The following PCM1 variants were observed in gnomAD, a reference collection of about 807,000 sequenced individuals.
PCM1 encodes pericentriolar material 1 protein.
PCM1 carries 157 observed loss-of-function variants against 241.9 expected under a neutral mutation model. The ratio of observed to expected loss-of-function variants is 0.65; its 90% CI spans 0.57 to 0.74. PCM1 has a LOEUF of 0.74. Ranked by LOEUF, PCM1 falls within the 30% of genes least tolerant of loss-of-function variation. The pLI is 0.00. For missense variants in PCM1, 3,478 were observed against 2,360.1 expected (o/e 1.47, Z -9.81); for synonymous variants, 1,085 against 784.9 (o/e 1.38, Z -6.39).
Position 17,962,057 on chromosome 8 carries a change from C to T in PCM1, c.2346C>T (p.Asn782=), listed in dbSNP as rs1272515871. 6.2e-7 allele frequency: 1 copy of T among 1,611,476 alleles called. No individual in the cohort carries two copies. Among genetic ancestry groups the T allele is most frequent in the Admixed American group, 1.7e-5 (1 of 59,794 alleles). The part of the protein sequence containing the change: ...DLQLSAASVG[N]CPTKKYMPAV... ...AGCTGTCAGCTGCTAGTGTGGGTAA[C>T]TGTCCCACCAAAAAATATATGCCAG... Residue 782 remains asparagine, a synonymous_variant, in exon 16 of 39, where the codon AAC becomes AAT. Transcript: ENST00000325083.
intron 6 of PCM1, among the ~76,000 whole-genome samples, chr8:17,943,995 A>T (rs2063012783): frequency 6.6e-6 from 1 of 152,186 alleles, no homozygotes; most frequent in South Asian, 2.1e-4. Context: ...AGACATGATG[A>T]CATCTTGTAT....
chr8:18,029,488 G>T lies in PCM1; in HGVS notation c.*1826G>T, dbSNP rs183504454. ...ACTCAAGCCCAGCCTTACATACTGT[G>T]TTTCTCTCTCTGTCTGCATGCATAT... is the stretch of plus-strand genomic sequence containing the variant. On this transcript the variant is annotated 3_prime_UTR_variant, in exon 39 of 39. Transcript: ENST00000325083. 2.3e-4 allele frequency: 50 copies of T among 215,856 alleles called. No individual in the cohort carries two copies. The East Asian group carries it at 3.4e-3, about 15-fold the overall frequency. The allele number at this position is 215,856 out of a possible 1,614,324, so 13.4% of individuals were successfully genotyped here. A position where few individuals can be genotyped will look rare whatever the true frequency, so the allele number is the denominator to read the frequency against.
chr8:18,010,183 G>C (rs1002649786), intron 31 of PCM1, among the ~76,000 whole-genome samples: 1 of 152,150 alleles, frequency 6.6e-6, no homozygotes, highest in African/African-American at 2.4e-5. Flanking sequence ...CCTGTAGTTT[G>C]TTCTGCCTTG....
At chr8:18,010,710 C>T (rs7831510) in intron 32 of PCM1, 42 bp downstream of exon 32, 130,519 of 1,419,016 alleles carry the variant, frequency 0.092, 8,157 homozygotes, top group African/African-American at 0.32. Flanking sequence ...TGGCTGGGCG[C>T]GGTGGCTCAC....
At chr8:17,980,839 G>C (rs1274016152) in intron 24 of PCM1, 84 bp downstream of exon 24, 1 of 1,010,454 alleles carries the variant, frequency 9.9e-7, no homozygotes, top group Non-Finnish European at 1.4e-6. Flanking sequence ...TGTTAAAATT[G>C]GTGTTTCACA....
At chr8:18,023,615 CAG>C (rs1048655755) in intron 36 of PCM1, among the ~76,000 whole-genome samples, 3 of 152,110 alleles carry the variant, frequency 2.0e-5, no homozygotes, top group Non-Finnish European at 4.4e-5. Context: ...CTTAATAAAT[CAG>C]AATTTTTTTT....
chr8:17,935,068 A>T (rs997227742), intron 2 of PCM1, among the ~76,000 whole-genome samples: 2 of 152,110 alleles, frequency 1.3e-5, no homozygotes, highest in Non-Finnish European at 2.9e-5. Flanking sequence ...CTCTTTCCCT[A>T]CCTTCTTATC....
In PCM1 at chr8:17,924,780, G is replaced by A. The variant is rs1359461903; in HGVS notation, c.-23G>A. ...AGCTGCAAAAACTAGTTTCTAAACA[G>A]GTAATTTGACATTATTATCTGTATT... On this transcript the variant is annotated splice_region_variant and 5_prime_UTR_variant, in exon 2 of 39. Coordinates refer to ENST00000325083, the MANE Select transcript of PCM1 (RefSeq NM_006197.4). The A allele has an allele frequency of 6.6e-6, 1 of 152,182 alleles. No homozygotes were observed. The highest frequency in any genetic ancestry group is 1.5e-5 in the Non-Finnish European group (1 of 68,032). The allele number at this position is 152,182 out of a possible 1,614,324, so 9.4% of individuals were successfully genotyped here. A position where few individuals can be genotyped will look rare whatever the true frequency, so the allele number is the denominator to read the frequency against.
rs751039102 is a variant in PCM1 at position 17,935,608 on chromosome 8, A to G, written c.-3A>G. The G allele has an allele frequency of 2.2e-6, 3 of 1,381,508 alleles. No individual in the cohort carries two copies. Among genetic ancestry groups the G allele is most frequent in the South Asian group, 2.3e-5 (2 of 85,654 alleles). 85.6% of individuals were successfully genotyped at this position (1,381,508 alleles called of 1,614,324 possible). A position where few individuals can be genotyped will look rare whatever the true frequency, so the allele number is the denominator to read the frequency against. ...TCGCAGAGAGTTAATTGTTAAATCC[A>G]GTATGGCCACAGGAGGAGGTCCCTT... On this transcript the variant is annotated 5_prime_UTR_variant, in exon 3 of 39. Transcript: ENST00000325083.
rs1587299759 is a variant in PCM1 at position 17,969,630 on chromosome 8, A to G, written c.3466A>G (p.Ile1156Val). 1 of 1,611,998 alleles carries G rather than the reference A, an allele frequency of 6.2e-7. No individual in the cohort carries two copies. The highest frequency in any genetic ancestry group is 8.5e-7 in the Non-Finnish European group (1 of 1,178,880). The part of the protein sequence containing the change: ...PSNFGDFSQN[I>V]STPSEQQQPL... ...TAATTTTGGAGATTTTTCTCAGAAT[A>G]TCTCTACACCCAGTGAACAGCAGCA... is the stretch of plus-strand genomic sequence containing the variant. The change falls in exon 22 of 39, where the codon ATC becomes GTC. Residue 1156 changes from isoleucine to valine, a missense_variant. By Grantham distance (29) the Ile-to-Val change is conservative. Transcript: ENST00000325083.
rs1306788184 is a variant in PCM1, at chr8:18,009,586, TG to T, written c.5003del (p.Cys1668LeufsTer7). On this transcript the variant is annotated frameshift_variant, in exon 31 of 39. Transcript: ENST00000325083. LOFTEE classifies it high-confidence loss of function. ...ATTTGCTGGCAGAAAACTGAAAGAC[TG>T]TGGAGAAGATCTTCTTGTAGAGATA... is the stretch of plus-strand genomic sequence containing the variant. ...AKFAGRKLKDCGEDLLVEISE... is the reference protein window; with the variant it reads ...AKFAGRKLKDXGEDLLVEISE... The T allele has an allele frequency of 1.9e-6, 3 of 1,602,954 alleles. No individual in the cohort carries two copies. The highest frequency in any genetic ancestry group is 2.6e-6 in the Non-Finnish European group (3 of 1,174,236).
intron 36 of PCM1, chr8:18,025,133 CT>C (rs58967642): frequency 0.065 from 10,194 of 157,202 alleles, 321 homozygotes; most frequent in East Asian, 0.17. Flanking sequence ...GCCCCCCTGC[CT>C]TTTTTTTTTT....
chr8:17,978,709 C>G (rs2079604395), intron 23 of PCM1, among the ~76,000 whole-genome samples: 1 of 151,988 alleles, frequency 6.6e-6, no homozygotes, highest in South Asian at 2.1e-4. Flanking sequence ...AAAATAGAGA[C>G]CTTTATACAG....
At chr8:18,026,512 G>T (rs1392432977) in intron 38 of PCM1, among the ~76,000 whole-genome samples, 1 of 151,748 alleles carries the variant, frequency 6.6e-6, no homozygotes, top group Admixed American at 6.6e-5. Flanking sequence ...GCCTGCCTCA[G>T]CCTCCCAAAG....
At chr8:18,010,388 C>T (rs1213639660) in intron 31 of PCM1, among the ~76,000 whole-genome samples, 1 of 152,158 alleles carries the variant, frequency 6.6e-6, no homozygotes, top group Non-Finnish European at 1.5e-5. Context: ...GTCCATTTCA[C>T]ACTTTTCATG....
At chr8:18,022,405 C>G (rs920940711) in intron 36 of PCM1, among the ~76,000 whole-genome samples, 1 of 152,222 alleles carries the variant, frequency 6.6e-6, no homozygotes, top group Admixed American at 6.5e-5. Context: ...AATAGCCACT[C>G]TCACTCAACC....
At chr8:18,019,808 G>A (rs1254147166) in intron 36 of PCM1, among the ~76,000 whole-genome samples, 1 of 152,146 alleles carries the variant, frequency 6.6e-6, no homozygotes, top group Non-Finnish European at 1.5e-5. Flanking sequence ...AACAGGCCCT[G>A]GACTGGTACT....
chr8:18,005,540 T>A (rs1478477775), intron 29 of PCM1, among the ~76,000 whole-genome samples: 3 of 152,064 alleles, frequency 2.0e-5, no homozygotes, highest in Admixed American at 1.3e-4. Context: ...ATAAGAAGGA[T>A]TAGAACCTTG....
chr8:18,015,430 T>A (rs919314228), intron 36 of PCM1, among the ~76,000 whole-genome samples: 9 of 152,214 alleles, frequency 5.9e-5, no homozygotes, highest in Admixed American at 2.0e-4. Flanking sequence ...TGATAAATGC[T>A]TCTGTTAGAA....
Sources: allele counts gnomAD v4.1 joint callset (sites outside exome capture counted in the v4.1 genomes callset), GRCh38; gene constraint gnomAD v4.1.1; transcripts MANE v1.5; gene names NCBI Gene and HGNC (gene_info 2026-07-23, HGNC 2026-07-21).